KIF18A: variants seen among roughly 807,000 people sequenced by gnomAD.
KIF18A encodes the protein kinesin-like protein KIF18A.
Under a neutral mutation model 103.3 loss-of-function variants are expected in KIF18A, and 67 were observed. That is an observed-to-expected ratio of 0.65 (90% confidence interval 0.53 to 0.79). The LOEUF (loss-of-function observed/expected upper bound fraction) is 0.79. Ranked by LOEUF, KIF18A falls within the 30% of genes least tolerant of loss-of-function variation. The pLI, the probability that KIF18A is intolerant of heterozygous loss-of-function variation, is 0.00. For missense variants in KIF18A, 1,032 were observed against 1,062.5 expected, an observed-to-expected ratio of 0.97 and a Z score of 0.40; for synonymous variants, 367 against 355.5, an observed-to-expected ratio of 1.03 and a Z score of -0.36.
chr11:28,068,928 A>C (rs912936167), intron 11 of KIF18A, among the ~76,000 whole-genome samples: 1 of 152,028 alleles, frequency 6.6e-6, no homozygotes, highest in Non-Finnish European at 1.5e-5. Context: ...ACACACACAC[A>C]CCCCCTTTCA....
At chr11:28,047,126 C>T (rs568220330) in intron 13 of KIF18A, among the ~76,000 whole-genome samples, 16 of 149,652 alleles carry the variant, frequency 1.1e-4, no homozygotes, top group Admixed American at 2.7e-4. Context: ...TATAATCATC[C>T]AGCATATATT....
intron 10 of KIF18A, among the ~76,000 whole-genome samples, chr11:28,075,676 G>A (rs1565084736): frequency 1.3e-5 from 2 of 152,056 alleles, no homozygotes; most frequent in African/African-American, 4.8e-5. Context: ...TAAGAGTACT[G>A]AATCTTGTCT....
At position 28,033,549 on chromosome 11, in the gene KIF18A, G is replaced by A. The variant is rs929459486; in HGVS notation, c.2504+1838C>T. On this transcript the variant is annotated intron_variant, in intron 15 of 16. Transcript: ENST00000263181. ...AGCCATGAAACAAGAATGAGACCCTGTCATTTGCAACAGCATGGATGGAAC... is the reference window on the plus strand; with the variant it reads ...AGCCATGAAACAAGAATGAGACCCTATCATTTGCAACAGCATGGATGGAAC... Among the ~76,000 whole-genome samples, 24 of 151,872 alleles carry A rather than the reference G, an allele frequency of 1.6e-4. No homozygotes were observed. In the Middle Eastern group the frequency reaches 0.01, roughly 65 times the overall value.
Position 28,097,866 on chromosome 11 carries a change from C to T in KIF18A, c.82G>A (p.Ala28Thr). 1.2e-6 allele frequency: 2 copies of T among 1,611,582 alleles called. No homozygotes were observed. The highest frequency in any genetic ancestry group is 1.7e-6 in the Non-Finnish European group (2 of 1,179,226). ...ACATGAACCACTTTATGAAATCCAG[C>T]TGCTTTTTCTTTAGTGTTTTCCGGA... Reference protein sequence around the residue: ...VRPENTKEKAAGFHKVVHVVD... With the variant: ...VRPENTKEKATGFHKVVHVVD... Residue 28 changes from alanine (A) to threonine (T), a missense_variant, in exon 2 of 17, where the codon GCT becomes ACT. By Grantham distance (58) the Ala-to-Thr change is moderately conservative. Transcript: ENST00000263181.
chr11:28,074,555 T>C (rs1236231815), intron 10 of KIF18A, among the ~76,000 whole-genome samples: 1 of 152,132 alleles, frequency 6.6e-6, no homozygotes, highest in East Asian at 1.9e-4. Context: ...TTTGATAATA[T>C]AGTTTAATAG....
rs2133560395 is a variant in KIF18A, at chr11:28,091,475, T to C, written c.522A>G (p.Ser174=). The stretch of plus-strand genomic sequence containing the variant: ...TATCTTCCCGGACAGCAAGTGGCCC[T>C]GAATTTACTAAGAGATCACGAATCT... ...NEQIRDLLVN[S]GPLAVREDTQ... Residue 174 remains serine, a synonymous_variant, in exon 4 of 17, where the codon TCA becomes TCG. Transcript: ENST00000263181. 2.5e-6 allele frequency: 4 copies of C among 1,610,964 alleles called. No homozygotes were observed. The highest frequency in any genetic ancestry group is 1.1e-5 in the South Asian group (1 of 90,928).
chr11:28,071,437 T>G (rs894870831), intron 10 of KIF18A, among the ~76,000 whole-genome samples: 3 of 150,418 alleles, frequency 2.0e-5, no homozygotes, highest in Admixed American at 6.6e-5. Flanking sequence ...CACATAATTT[T>G]TATTTTAATT....
chr11:28,091,157 C>A (rs541546351), intron 4 of KIF18A, among the ~76,000 whole-genome samples: 1 of 151,390 alleles, frequency 6.6e-6, no homozygotes, highest in South Asian at 2.1e-4. Flanking sequence ...TAAATACATA[C>A]ATACATACAT....
At chr11:28,067,281 A>C (rs1052269007) in intron 11 of KIF18A, among the ~76,000 whole-genome samples, 1 of 152,078 alleles carries the variant, frequency 6.6e-6, no homozygotes, top group Non-Finnish European at 1.5e-5. Context: ...TAACTAACTG[A>C]CTGGTATGCT....
chr11:28,027,003 C>T (rs1033146196), intron 15 of KIF18A, among the ~76,000 whole-genome samples: 1 of 151,686 alleles, frequency 6.6e-6, no homozygotes, highest in Non-Finnish European at 1.5e-5. Flanking sequence ...TTTACACATT[C>T]CAAGTCTCTG....
chr11:28,080,346 CTGT>C (rs1321160093), intron 9 of KIF18A, among the ~76,000 whole-genome samples: 11 of 121,922 alleles, frequency 9.0e-5, no homozygotes, highest in South Asian at 3.0e-4. Context: ...TTTGCAGACA[CTGT>C]TTTTTTTTTT....
At chr11:28,090,374 CTT>C (rs1214638148) in intron 5 of KIF18A, among the ~76,000 whole-genome samples, 1 of 152,074 alleles carries the variant, frequency 6.6e-6, no homozygotes, top group Non-Finnish European at 1.5e-5. Context: ...AAAAACAAAA[CTT>C]TTATTACTAC....
chr11:28,029,453 G>GA (rs1338764147), intron 15 of KIF18A, among the ~76,000 whole-genome samples: 1 of 152,126 alleles, frequency 6.6e-6, no homozygotes, highest in Non-Finnish European at 1.5e-5. Flanking sequence ...AATAGATGCA[G>GA]AAAAGGCCTT....
chr11:28,097,084 G>A (rs1055805245), intron 2 of KIF18A, among the ~76,000 whole-genome samples: 6 of 151,998 alleles, frequency 3.9e-5, no homozygotes, highest in African/African-American at 1.2e-4. Context: ...TGCATGCTGC[G>A]GGGTTTAGTG....
intron 12 of KIF18A, among the ~76,000 whole-genome samples, chr11:28,060,368 C>G (rs1449900306): frequency 6.6e-6 from 1 of 152,134 alleles, no homozygotes; most frequent in Non-Finnish European, 1.5e-5. Flanking sequence ...CGGGCATTCA[C>G]TTTCATACAC....
chr11:28,069,752 A>G (rs1850986967), intron 10 of KIF18A, among the ~76,000 whole-genome samples: 1 of 151,952 alleles, frequency 6.6e-6, no homozygotes, highest in South Asian at 2.1e-4. Context: ...AAAAGTTCAT[A>G]CAAGGTCAGA....
chr11:28,094,450 C>A (rs539557138), intron 3 of KIF18A, among the ~76,000 whole-genome samples, 193 bp downstream of exon 3: 47 of 150,242 alleles, frequency 3.1e-4, no homozygotes, highest in South Asian at 1.3e-3. Flanking sequence ...GTTGCAACTT[C>A]TCTATAAGTC....
chr11:28,073,032 A>T (rs986931874), intron 10 of KIF18A, among the ~76,000 whole-genome samples: 10 of 152,162 alleles, frequency 6.6e-5, no homozygotes, highest in African/African-American at 1.9e-4. Context: ...AATAGATTTT[A>T]GACTCCTAGC....
Position 28,097,868 on chromosome 11 carries a change from G to A in KIF18A, c.80C>T (p.Ala27Val), listed in dbSNP as rs111722579. ...ATGAACCACTTTATGAAATCCAGCTGCTTTTTCTTTAGTGTTTTCCGGACG... is the reference window on the plus strand; with the variant it reads ...ATGAACCACTTTATGAAATCCAGCTACTTTTTCTTTAGTGTTTTCCGGACG... ...RVRPENTKEK[A>V]AGFHKVVHVV... The change falls in exon 2 of 17, where the codon GCA (alanine) becomes GTA (valine). Residue 27 changes from alanine to valine, a missense_variant. By Grantham distance (64) the Ala-to-Val change is moderately conservative. Transcript: ENST00000263181. 2 of 1,611,226 alleles carry A rather than the reference G, an allele frequency of 1.2e-6. No individual in the cohort carries two copies. Among genetic ancestry groups the A allele is most frequent in the African/African-American group, 1.3e-5 (1 of 74,680 alleles).
Sources: allele counts gnomAD v4.1 joint callset (sites outside exome capture counted in the v4.1 genomes callset), GRCh38; gene constraint gnomAD v4.1.1; transcripts MANE v1.5; gene names NCBI Gene and HGNC (gene_info 2026-07-23, HGNC 2026-07-21).